TECRL: variants seen among roughly 807,000 people sequenced by gnomAD.
TECRL encodes trans-2,3-enoyl-CoA reductase like.
In TECRL, 63 loss-of-function variants were observed where a neutral mutation model predicts 52.8. The ratio of observed to expected loss-of-function variants is 1.19; its 90% CI spans 0.97 to 1.47. The LOEUF (loss-of-function observed/expected upper bound fraction) is 1.47. Ranked by LOEUF, TECRL falls within the 40% of genes most tolerant of loss-of-function variation. The pLI is 0.00. For missense variants in TECRL, 482 were observed against 429.6 expected (o/e 1.12, Z -1.08); for synonymous variants, 164 against 141.9 (o/e 1.16, Z -1.10).
At chr4:64,303,006 A>C (rs1315805529) in intron 7 of TECRL, among the ~76,000 whole-genome samples, 3 of 151,004 alleles carry the variant, frequency 2.0e-5, no homozygotes, top group Non-Finnish European at 4.5e-5. Context: ...TGTATTTTTA[A>C]GGTTTATTTT....
chr4:64,297,430 C>T (rs779975328), intron 8 of TECRL, among the ~76,000 whole-genome samples: 28 of 150,894 alleles, frequency 1.9e-4, no homozygotes, highest in East Asian at 3.9e-4. Context: ...GTTAATATAA[C>T]GTTTTATCAG....
chr4:64,277,888 A>T lies in TECRL; in HGVS notation c.*2184T>A, dbSNP rs1188446759. On this transcript the variant is annotated 3_prime_UTR_variant, in exon 12 of 12. Coordinates refer to ENST00000381210, the MANE Select transcript of TECRL (RefSeq NM_001010874.5). ...AGTATATATGCATGCTCACATAGAA[A>T]CTCATACACACACACACATGCACAT... 2.0e-5 allele frequency: 3 copies of T among 151,802 alleles called. No homozygotes were observed. Among genetic ancestry groups the T allele is most frequent in the Non-Finnish European group, 4.4e-5 (3 of 67,778 alleles). The allele number at this position is 151,802 out of a possible 1,614,324, so 9.4% of individuals were successfully genotyped here. A position where few individuals can be genotyped will look rare whatever the true frequency, so the allele number is the denominator to read the frequency against.
At chr4:64,287,929 C>A (rs934412328) in intron 9 of TECRL, among the ~76,000 whole-genome samples, 1 of 151,674 alleles carries the variant, frequency 6.6e-6, no homozygotes, top group African/African-American at 2.4e-5. Flanking sequence ...GGCAGATCAC[C>A]TGAGGTCAGG....
At chr4:64,398,748 T>C (rs183155714) in intron 1 of TECRL, among the ~76,000 whole-genome samples, 2 of 152,070 alleles carry the variant, frequency 1.3e-5, no homozygotes, top group Admixed American at 6.6e-5. Flanking sequence ...CACTAACAGG[T>C]AGAGGTTGGA....
At chr4:64,364,715 T>C (rs1367899631) in intron 2 of TECRL, among the ~76,000 whole-genome samples, 3 of 151,730 alleles carry the variant, frequency 2.0e-5, no homozygotes, top group Non-Finnish European at 2.9e-5. Context: ...AAAAATAAAT[T>C]GAAATCCTGT....
At chr4:64,378,619 T>C (rs1427298084) in intron 1 of TECRL, among the ~76,000 whole-genome samples, 1 of 152,102 alleles carries the variant, frequency 6.6e-6, no homozygotes, top group East Asian at 1.9e-4. Context: ...ATAAGTAACC[T>C]TCAGATTGCT....
At chr4:64,356,078 T>C (rs970886306) in intron 2 of TECRL, among the ~76,000 whole-genome samples, 2 of 152,176 alleles carry the variant, frequency 1.3e-5, no homozygotes, top group African/African-American at 4.8e-5. Flanking sequence ...CTGTGCAGGA[T>C]GTGCCTTGTT....
intron 1 of TECRL, among the ~76,000 whole-genome samples, chr4:64,398,434 C>A (rs1301088600): frequency 6.6e-6 from 1 of 152,124 alleles, no homozygotes; most frequent in Non-Finnish European, 1.5e-5. Context: ...TGAGTGAGTT[C>A]TCACAAGATC....
intron 9 of TECRL, among the ~76,000 whole-genome samples, chr4:64,283,279 A>G (rs1284354282): frequency 1.3e-5 from 2 of 152,052 alleles, no homozygotes. Flanking sequence ...AATCCTCCTG[A>G]GTATTAATCT....
chr4:64,295,898 A>G (rs1723653003), intron 8 of TECRL, among the ~76,000 whole-genome samples: 1 of 151,960 alleles, frequency 6.6e-6, no homozygotes, highest in African/African-American at 2.4e-5. Flanking sequence ...ATAAATTTTT[A>G]ATAAGTAGTG....
chr4:64,296,524 A>G (rs1003347994), intron 8 of TECRL, among the ~76,000 whole-genome samples: 1 of 151,800 alleles, frequency 6.6e-6, no homozygotes, highest in Non-Finnish European at 1.5e-5. Flanking sequence ...CTTATATGCT[A>G]TTATCAATTT....
chr4:64,397,237 A>T (rs1430628096), intron 1 of TECRL, among the ~76,000 whole-genome samples: 1 of 152,140 alleles, frequency 6.6e-6, no homozygotes, highest in African/African-American at 2.4e-5. Flanking sequence ...ACTAAATTTA[A>T]CTAAAATAAG....
chr4:64,298,702 A>T (rs1183397018), intron 8 of TECRL, among the ~76,000 whole-genome samples: 1 of 151,128 alleles, frequency 6.6e-6, no homozygotes, highest in East Asian at 1.9e-4. Context: ...ATAACCCACA[A>T]TTTTTTTGAA....
At chr4:64,353,390 T>C (rs1720536298) in intron 2 of TECRL, among the ~76,000 whole-genome samples, 1 of 152,190 alleles carries the variant, frequency 6.6e-6, no homozygotes. Flanking sequence ...AACAGGAGAC[T>C]ATTATAGGTA....
chr4:64,304,977 A>T (rs1724242459), intron 7 of TECRL, 189 bp downstream of exon 7: 1 of 400,652 alleles, frequency 2.5e-6, no homozygotes, highest in Non-Finnish European at 4.5e-6. Flanking sequence ...GTGTAGAAAC[A>T]AAATAAATAA....
chr4:64,375,134 C>T, intron 2 of TECRL, 38 bp downstream of exon 2: 1 of 1,059,614 alleles, frequency 9.4e-7, no homozygotes, highest in Non-Finnish European at 1.3e-6. Context: ...GAAAATAAAA[C>T]ATTATGATGT....
chr4:64,388,082 G>C (rs1044649642), intron 1 of TECRL, among the ~76,000 whole-genome samples: 4 of 151,062 alleles, frequency 2.6e-5, no homozygotes, highest in Admixed American at 2.6e-4. Context: ...CCAAATCCAA[G>C]GTCATGAAGA....
intron 4 of TECRL, among the ~76,000 whole-genome samples, chr4:64,322,113 C>T (rs964753078): frequency 6.6e-6 from 1 of 152,170 alleles, no homozygotes; most frequent in African/African-American, 2.4e-5. Flanking sequence ...GCTCATTCCT[C>T]AGGAGAGAAC....
rs184185885 is a variant in TECRL, at chr4:64,323,701, A to G, written c.332-909T>C. Among the ~76,000 whole-genome samples, 1,048 of 152,272 alleles carry G rather than the reference A, an allele frequency of 6.9e-3. 4 individuals carry two copies. Among genetic ancestry groups the G allele is most frequent in the Middle Eastern group, 0.024 (7 of 294 alleles). On this transcript the variant is annotated intron_variant, in intron 3 of 11. Transcript: ENST00000381210. ...GAATGTTAAAATGTATCAGTTGTAA[A>G]TATATTTGGAACATAGCCTAGATTC...
Sources: allele counts gnomAD v4.1 joint callset (sites outside exome capture counted in the v4.1 genomes callset), GRCh38; gene constraint gnomAD v4.1.1; transcripts MANE v1.5; gene names NCBI Gene and HGNC (gene_info 2026-07-23, HGNC 2026-07-21).